Variants in IL19 observed in about 807,000 individuals in gnomAD.
The protein encoded by IL19 is interleukin-19.
IL19 carries 15 observed loss-of-function variants against 19.5 expected under a neutral mutation model. The ratio of observed to expected loss-of-function variants is 0.77; its 90% confidence interval spans 0.52 to 1.19. The LOEUF is 1.19. Ranked by LOEUF, IL19 falls within the 50% of genes most tolerant of loss-of-function variation. The probability of loss-of-function intolerance (pLI) is 0.00; values close to 1 mark genes in which losing one functional copy is unlikely to be tolerated. For synonymous variants in IL19, 78 were observed against 78.3 expected, an observed-to-expected ratio of 1.00 and a Z score of 0.02; for missense variants, 199 against 213.1, an observed-to-expected ratio of 0.93 and a Z score of 0.41.
At chr1:206,790,226 C>G (rs1311138052) in intron 1 of IL19, among the ~76,000 whole-genome samples, 1 of 152,074 alleles carries the variant, frequency 6.6e-6, no homozygotes, top group African/African-American at 2.4e-5. Flanking sequence ...TAATAATGGC[C>G]TTTCTGGCTG....
intron 1 of IL19, among the ~76,000 whole-genome samples, chr1:206,797,326 G>T (rs1301752080): frequency 2.0e-5 from 3 of 151,974 alleles, no homozygotes; most frequent in Non-Finnish European, 4.4e-5. Context: ...GGAGGGTGGG[G>T]TGAGGTGGAG....
chr1:206,803,764 A>C (rs1391185337), intron 2 of IL19, among the ~76,000 whole-genome samples: 2 of 152,206 alleles, frequency 1.3e-5, no homozygotes, highest in Admixed American at 6.5e-5. Context: ...GAGCCCTCTA[A>C]TAAAGTGACT....
intron 2 of IL19, among the ~76,000 whole-genome samples, chr1:206,825,532 G>T (rs1219937508): frequency 6.6e-6 from 1 of 152,206 alleles, no homozygotes; most frequent in African/African-American, 2.4e-5. Flanking sequence ...CAACTCTTCA[G>T]TAGCCAGGAT....
At chr1:206,805,583 C>T (rs1675827896) in intron 2 of IL19, among the ~76,000 whole-genome samples, 1 of 152,134 alleles carries the variant, frequency 6.6e-6, no homozygotes, top group South Asian at 2.1e-4. Flanking sequence ...TACAAATGGA[C>T]ACTGCAGAAA....
chr1:206,827,428 C>T (rs1477751718), intron 2 of IL19, among the ~76,000 whole-genome samples: 3 of 152,140 alleles, frequency 2.0e-5, no homozygotes, highest in African/African-American at 4.8e-5. Context: ...CGGTGGCTCA[C>T]GCCTGTAATC....
chr1:206,783,338 A>G (rs1675191113), intron 1 of IL19, among the ~76,000 whole-genome samples: 1 of 152,216 alleles, frequency 6.6e-6, no homozygotes, highest in African/African-American at 2.4e-5. Flanking sequence ...TCTTTTGATG[A>G]TTTTAAAAGT....
chr1:206,771,245 TCTCCTTTTCAAA>T, intron 1 of IL19, 167 bp downstream of exon 1: 1 of 1,197,974 alleles, frequency 8.3e-7, no homozygotes. Context: ...TCTTCCCACT[TCTCCTTTTCAAA>T]GCGAAGGAAA....
At chr1:206,837,129 A>G (rs1195581131) in intron 4 of IL19, 106 bp downstream of exon 4, 2 of 883,478 alleles carry the variant, frequency 2.3e-6, no homozygotes, top group Non-Finnish European at 3.6e-6. Context: ...CCTAATCTCC[A>G]ATGTACTCTA....
chr1:206,824,719 GT>G (rs1461523868), intron 2 of IL19, among the ~76,000 whole-genome samples: 1 of 152,200 alleles, frequency 6.6e-6, no homozygotes, highest in African/African-American at 2.4e-5. Context: ...TTTGTCTGAA[GT>G]TATAGAGCCA....
At chr1:206,831,971 T>C (rs1676621464) in intron 2 of IL19, among the ~76,000 whole-genome samples, 1 of 152,198 alleles carries the variant, frequency 6.6e-6, no homozygotes, top group Non-Finnish European at 1.5e-5. Context: ...GCATGGACAG[T>C]GTTGCAAATC....
chr1:206,832,383 A>G lies in IL19; in HGVS notation c.-2-4278A>G, dbSNP rs569114818. On this transcript the variant is annotated intron_variant, in intron 2 of 6. Coordinates refer to ENST00000659997, the MANE Select transcript of IL19 (RefSeq NM_153758.5). ...TTTCCAGTGTCTATAGACCTAATGC[A>G]TTTCATCCAGACTCTGCAATAGGGC... Among the ~76,000 whole-genome samples the G allele has an allele frequency of 3.9e-5, 6 of 152,264 alleles. No homozygotes were observed. In the East Asian group the frequency reaches 7.7e-4, roughly 20 times the overall value.
intron 3 of IL19, 58 bp downstream of exon 3, chr1:206,836,864 A>C (rs1676813174): frequency 1.2e-6 from 2 of 1,608,700 alleles, no homozygotes; most frequent in Non-Finnish European, 1.7e-6. Context: ...CTTACATCTT[A>C]GCTTGAAAAT....
chr1:206,771,080 T>G lies in IL19; in HGVS notation c.-149+2T>G, dbSNP rs1572539096. Reference sequence around the variant, plus strand: ...TAACCCTAAGGGCAGGAGCCAAAGGTGAGTGAGAGATTGGCGGAGGTGGCT... The same window carrying G: ...TAACCCTAAGGGCAGGAGCCAAAGGGGAGTGAGAGATTGGCGGAGGTGGCT... On this transcript the variant is annotated splice_donor_variant, in intron 1 of 6. Coordinates refer to ENST00000659997, the MANE Select transcript of IL19 (RefSeq NM_153758.5). LOFTEE classifies it low-confidence loss of function (5UTR_SPLICE). 1 of 1,613,694 alleles carries G rather than the reference T, an allele frequency of 6.2e-7. No homozygotes were observed. The highest frequency in any genetic ancestry group is 8.5e-7 in the Non-Finnish European group (1 of 1,179,814).
chr1:206,833,825 G>T (rs775405848), intron 2 of IL19: 5 of 985,444 alleles, frequency 5.1e-6, no homozygotes, highest in Non-Finnish European at 4.8e-6. Flanking sequence ...AGGGGAAAAA[G>T]TGTTCCTCAT....
chr1:206,804,284 A>G (rs1027937241), intron 2 of IL19, among the ~76,000 whole-genome samples: 5 of 152,232 alleles, frequency 3.3e-5, no homozygotes, highest in African/African-American at 1.2e-4. Flanking sequence ...GAGTCATGAC[A>G]AAGAGGGTTC....
intron 6 of IL19, 102 bp downstream of exon 6, chr1:206,841,180 T>C (rs1677006165): frequency 1.3e-5 from 11 of 864,220 alleles, no homozygotes; most frequent in Non-Finnish European, 1.9e-5. Flanking sequence ...GCATTCACTC[T>C]ATAAGCAGCC....
chr1:206,833,819 G>A (rs1372312476), intron 2 of IL19: 1 of 985,416 alleles, frequency 1.0e-6, no homozygotes, highest in Non-Finnish European at 1.2e-6. Context: ...TTTATGAGGG[G>A]AAAAAGTGTT....
chr1:206,837,581 G>A (rs1374671065), intron 4 of IL19, among the ~76,000 whole-genome samples: 1 of 152,126 alleles, frequency 6.6e-6, no homozygotes, highest in Non-Finnish European at 1.5e-5. Flanking sequence ...GGGTGCAGTG[G>A]CTTATGCCTG....
At position 206,770,961 on chromosome 1, in the gene IL19, A is replaced by G. The variant is rs547437506; in HGVS notation, c.-266A>G. ...TCAGGTTCTCCCCCAGGGAGTTCAC[A>G]TGCGCCTTGATGTCTGGGTCTTGGT... On this transcript the variant is annotated 5_prime_UTR_variant, in exon 1 of 7. An upstream start codon of the reference 5' UTR is lost. Transcript: ENST00000659997. 2 of 1,614,118 alleles carry G rather than the reference A, an allele frequency of 1.2e-6. No homozygotes were observed. The highest frequency in any genetic ancestry group is 1.3e-5 in the African/African-American group (1 of 75,032).
Sources: gnomAD v4.1 joint callset for allele counts (sites outside exome capture counted in the v4.1 genomes callset) on GRCh38, gnomAD v4.1.1 for gene constraint, MANE v1.5 for transcripts, NCBI Gene and HGNC (gene_info 2026-07-23, HGNC 2026-07-21) for gene names.